RNF213: variants seen among roughly 807,000 people sequenced by gnomAD.
RNF213 encodes the protein ring finger protein 213, also known as E3 ubiquitin-protein ligase RNF213.
In RNF213, 341 loss-of-function variants were observed where a neutral mutation model predicts 514.4. The observed-to-expected ratio is 0.66, with a 90% CI of 0.61 to 0.73. The LOEUF is 0.73. Among genes scored for constraint, RNF213 ranks in the 30% least tolerant of loss-of-function variants. The pLI is 0.00. For missense variants in RNF213, 5,767 were observed against 6,615.6 expected (o/e 0.87, Z 4.45); for synonymous variants, 2,655 against 2,658.2 (o/e 1.00, Z 0.04).
Position 80,317,222 on chromosome 17 carries a change from C to G in RNF213, c.2846C>G (p.Ala949Gly), listed in dbSNP as rs370653889. Residue 949 changes from alanine to glycine, a missense_variant, in exon 16 of 68, where the codon GCG becomes GGG. By Grantham distance (60) the Ala-to-Gly change is moderately conservative. Coordinates refer to ENST00000582970, the MANE Select transcript of RNF213 (RefSeq NM_001256071.3). This position sits in a 1 kb window ranked among gnomAD's most constrained non-coding sequence, Gnocchi z 4.1. ...CGGCTGGTGGAAATCCAATTCCCCG[C>G]GGAGCATGGCTGGAAGGAGTCGTTG... is the stretch of plus-strand genomic sequence containing the variant. ...WRRLVEIQFP[A>G]EHGWKESLLG... is the part of the protein sequence containing the mutation. 1 of 1,612,774 alleles carries G rather than the reference C, an allele frequency of 6.2e-7. No individual in the cohort carries two copies. Among genetic ancestry groups the G allele is most frequent in the South Asian group, 1.1e-5 (1 of 90,344 alleles).
At chr17:80,311,255 G>A (rs973603061) in intron 14 of RNF213, among the ~76,000 whole-genome samples, 4 of 152,176 alleles carry the variant, frequency 2.6e-5, no homozygotes, top group African/African-American at 7.2e-5. Flanking sequence ...AATACGTGAC[G>A]CATGTTGAAG....
chr17:80,394,485 GTGC>G lies in RNF213; in HGVS notation c.*992_*994del, dbSNP rs1555682971. 6.6e-6 allele frequency: 1 copy of G among 152,196 alleles called. No homozygotes were observed. The highest frequency in any genetic ancestry group is 1.5e-5 in the Non-Finnish European group (1 of 68,036). The allele number at this position is 152,196 out of a possible 1,614,324, so 9.4% of individuals were successfully genotyped here. ...AAAAGAGTCCCCGAGCCCGGATCTT[GTGC>G]TGCTTTTCTCACTGACGTGTTGCCT... On this transcript the variant is annotated 3_prime_UTR_variant, in exon 68 of 68. Coordinates refer to ENST00000582970, the MANE Select transcript of RNF213 (RefSeq NM_001256071.3).
intron 63 of RNF213, among the ~76,000 whole-genome samples, chr17:80,387,510 C>A (rs1342049838): frequency 6.6e-6 from 1 of 152,230 alleles, no homozygotes; most frequent in African/African-American, 2.4e-5. Flanking sequence ...ATTAGCTGTG[C>A]CTTCTGTGTG....
At chr17:80,391,406 G>A (rs2080466857) in intron 67 of RNF213, among the ~76,000 whole-genome samples, 1 of 151,948 alleles carries the variant, frequency 6.6e-6, no homozygotes, top group South Asian at 2.1e-4. Context: ...TAGTAGCTGG[G>A]ATTACAGGTG....
In RNF213 at chr17:80,288,746, AC is replaced by A. The variant is rs2044568870; in HGVS notation, c.925del (p.His309ThrfsTer44). On this transcript the variant is annotated frameshift_variant, in exon 5 of 68. Coordinates refer to ENST00000582970, the MANE Select transcript of RNF213 (RefSeq NM_001256071.3). LOFTEE classifies it high-confidence loss of function. The surrounding 1 kb of genome is among the most constrained non-coding windows in gnomAD (Gnocchi z 4.9). Reference protein sequence around the residue: ...PPATTPPFKTHCQEAETKTKD... With the variant: ...PPATTPPFKTXCQEAETKTKD... Reference sequence around the variant, plus strand: ...CAGCAACCACTCCTCCTTTCAAAACACACTGCCAGGTGCGTCTCCTTCCTGC... The same window carrying A: ...CAGCAACCACTCCTCCTTTCAAAACAACTGCCAGGTGCGTCTCCTTCCTGC... The A allele has an allele frequency of 6.2e-7, 1 of 1,613,980 alleles. No individual in the cohort carries two copies. Among genetic ancestry groups the A allele is most frequent in the South Asian group, 1.1e-5 (1 of 91,086 alleles).
chr17:80,291,667 C>T lies in RNF213; in HGVS notation c.1311C>T (p.Val437=), dbSNP rs1568021535. The T allele has an allele frequency of 1.2e-6, 2 of 1,614,218 alleles. No individual in the cohort carries two copies. Among genetic ancestry groups the T allele is most frequent in the Admixed American group, 1.7e-5 (1 of 60,028 alleles). Residue 437 remains valine, a synonymous_variant, in exon 8 of 68, where the codon GTC becomes GTT. Transcript: ENST00000582970. ...ACCGCGTTCTTGTTGAAGGCATTGT[C>T]TGCATTTCCAAGAAGCACCTAGATA... ...GHDRVLVEGI[V]CISKKHLDKY...
intron 15 of RNF213, 54 bp downstream of exon 15, chr17:80,313,221 C>T: frequency 6.2e-7 from 1 of 1,608,392 alleles, no homozygotes; most frequent in Non-Finnish European, 8.5e-7. Context: ...CGTGATTCCT[C>T]ATGGCCTCAA....
intron 26 of RNF213, chr17:80,341,167 G>T (rs2078145889): frequency 6.6e-6 from 1 of 152,174 alleles, no homozygotes; most frequent in Non-Finnish European, 1.5e-5. Flanking sequence ...TCAAACTCCT[G>T]ACCTCAGGTG....
chr17:80,267,678 T>C (rs1443394728), intron 2 of RNF213, among the ~76,000 whole-genome samples: 5 of 152,136 alleles, frequency 3.3e-5, no homozygotes, highest in African/African-American at 1.2e-4. Context: ...GAGACTGGTT[T>C]ATGAGGTTTT....
chr17:80,337,114 A>C (rs887514434), intron 23 of RNF213, among the ~76,000 whole-genome samples: 1 of 151,992 alleles, frequency 6.6e-6, no homozygotes, highest in African/African-American at 2.4e-5. Context: ...TCCAAACAAA[A>C]CCCTCTGTTG....
At chr17:80,318,082 C>T (rs895986329) in intron 16 of RNF213, among the ~76,000 whole-genome samples, 6 of 152,098 alleles carry the variant, frequency 3.9e-5, no homozygotes, top group African/African-American at 1.4e-4. Flanking sequence ...AACCGTCTCT[C>T]CTTGGAAGTC....
In RNF213 at chr17:80,346,904, C is replaced by T; in HGVS notation, c.8569C>T (p.Leu2857=). 6.2e-7 allele frequency: 1 copy of T among 1,614,184 alleles called. No individual in the cohort carries two copies. Among genetic ancestry groups the T allele is most frequent in the Non-Finnish European group, 8.5e-7 (1 of 1,180,024 alleles). The change falls in exon 29 of 68, where the codon CTG becomes TTG. Residue 2857 remains leucine (L), a synonymous_variant. Coordinates refer to ENST00000582970, the MANE Select transcript of RNF213 (RefSeq NM_001256071.3). The surrounding 1 kb of genome is among the most constrained non-coding windows in gnomAD (Gnocchi z 8.1). The part of the protein sequence containing the change: ...GLAEDSPKMP[L]KTLHPLLEDG... ...GGCGGAAGACTCACCCAAAATGCCC[C>T]TGAAGACTCTGCACCCGCTGCTGGA...
At chr17:80,286,041 CAGTG>C (rs2044460421) in intron 3 of RNF213, among the ~76,000 whole-genome samples, 1 of 152,210 alleles carries the variant, frequency 6.6e-6, no homozygotes, top group Non-Finnish European at 1.5e-5. Flanking sequence ...GGCCAGATCT[CAGTG>C]AGGCCCTGTT....
intron 26 of RNF213, 151 bp downstream of exon 26, chr17:80,340,507 C>T: frequency 1.4e-6 from 1 of 712,160 alleles, no homozygotes; most frequent in Non-Finnish European, 2.3e-6. Flanking sequence ...GGGTCTGTGC[C>T]AGAACCAGGC....
At chr17:80,265,809 C>A (rs1454455819) in intron 2 of RNF213, among the ~76,000 whole-genome samples, 3 of 152,208 alleles carry the variant, frequency 2.0e-5, no homozygotes, top group Admixed American at 2.0e-4. Flanking sequence ...GTGGTTCACA[C>A]CTACAACCCC....
intron 67 of RNF213, 29 bp downstream of exon 67, chr17:80,390,225 G>A (rs996338999): frequency 1.2e-6 from 2 of 1,607,224 alleles, no homozygotes; most frequent in Non-Finnish European, 1.7e-6. Context: ...ATGGGGCGGG[G>A]CAGACACAAT....
In RNF213 at chr17:80,367,800, T is replaced by A. The variant is rs758488371; in HGVS notation, c.11924T>A (p.Met3975Lys). The A allele has an allele frequency of 1.2e-6, 2 of 1,614,244 alleles. No homozygotes were observed. Among genetic ancestry groups the A allele is most frequent in the South Asian group, 2.2e-5 (2 of 91,090 alleles). ...VKTHGPFEAV[M>K]RTLCECKETA... Reference sequence around the variant, plus strand: ...ACGCACGGGCCTTTTGAGGCCGTGATGCGCACTCTCTGTGAATGCAAGGAG... The same window carrying A: ...ACGCACGGGCCTTTTGAGGCCGTGAAGCGCACTCTCTGTGAATGCAAGGAG... Residue 3975 changes from methionine (M) to lysine (K), a missense_variant, in exon 43 of 68, where the codon ATG becomes AAG. Physicochemically the swap from Met to Lys is moderately conservative, Grantham distance 95. Around this residue, in one of 13 missense-constraint regions of RNF213, gnomAD observed 355 missense variants for 358.0 expected, o/e 0.99. Transcript: ENST00000582970.
rs527918280 is a variant in RNF213, at chr17:80,305,622, T to A, written c.2211-630T>A. 7.4e-4 allele frequency among the ~76,000 whole-genome samples: 113 copies of A among 151,936 alleles called. 2 individuals carry two copies. Among genetic ancestry groups the A allele is most frequent in the African/African-American group, 2.4e-3 (98 of 41,384 alleles). ...TAATTCTCCTTTTTTCTTTCCTTTTTTTTTTTTGAGACAGAGTCTCACTCT... is the reference window on the plus strand; with the variant it reads ...TAATTCTCCTTTTTTCTTTCCTTTTATTTTTTTGAGACAGAGTCTCACTCT... On this transcript the variant is annotated intron_variant, in intron 11 of 67. Transcript: ENST00000582970.
intron 2 of RNF213, among the ~76,000 whole-genome samples, chr17:80,269,507 T>C (rs2043737855): frequency 6.6e-6 from 1 of 151,680 alleles, no homozygotes; most frequent in Non-Finnish European, 1.5e-5. Context: ...TCATCTATTC[T>C]ATCTATCCAT....
Sources: gnomAD v4.1 joint callset for allele counts (sites outside exome capture counted in the v4.1 genomes callset) on GRCh38, gnomAD v4.1.1 for gene constraint, gnomAD v4.1.1 regional missense constraint, Gnocchi (gnomAD v3.1) non-coding constraint, MANE v1.5 for transcripts, NCBI Gene and HGNC (gene_info 2026-07-23, HGNC 2026-07-21) for gene names.